The following SNX24 variants were observed in gnomAD, a reference collection of about 807,000 sequenced individuals.
SNX24 encodes the protein sorting nexin 24.
SNX24 carries 22 observed loss-of-function variants against 28.7 expected under a neutral mutation model. The observed-to-expected ratio is 0.77, with a 90% CI of 0.55 to 1.10. SNX24 has a LOEUF of 1.10. SNX24 is among the 50% of genes least tolerant of loss of function. SNX24 has a pLI of 0.00. For missense variants in SNX24, 221 were observed against 201.1 expected, an observed-to-expected ratio of 1.10 and a Z score of -0.60; for synonymous variants, 69 against 71.5, an observed-to-expected ratio of 0.96 and a Z score of 0.18.
At chr5:122,920,773 G>T (rs1039546785) in intron 1 of SNX24, among the ~76,000 whole-genome samples, 1 of 152,164 alleles carries the variant, frequency 6.6e-6, no homozygotes, top group Non-Finnish European at 1.5e-5. Flanking sequence ...TCTCATTATA[G>T]AATGTTTTCA....
At chr5:122,914,246 CCA>C (rs1758060370) in intron 1 of SNX24, among the ~76,000 whole-genome samples, 1 of 152,132 alleles carries the variant, frequency 6.6e-6, no homozygotes, top group Non-Finnish European at 1.5e-5. Context: ...GGGATGAAGC[CCA>C]CTTGATCATG....
intron 1 of SNX24, among the ~76,000 whole-genome samples, chr5:122,876,766 A>G (rs1756241601): frequency 1.3e-5 from 2 of 152,234 alleles, no homozygotes; most frequent in Admixed American, 6.5e-5. Context: ...AGTGGAGTGC[A>G]GTACCCGGAA....
At chr5:122,866,208 G>A (rs1265183748) in intron 1 of SNX24, among the ~76,000 whole-genome samples, 1 of 152,188 alleles carries the variant, frequency 6.6e-6, no homozygotes, top group Non-Finnish European at 1.5e-5. Flanking sequence ...GGGGTGCAGT[G>A]GCGAGATCTC....
chr5:122,981,787 C>G (rs914725430), intron 3 of SNX24, among the ~76,000 whole-genome samples: 1 of 152,214 alleles, frequency 6.6e-6, no homozygotes, highest in Non-Finnish European at 1.5e-5. Flanking sequence ...AAGTGATTCT[C>G]CCGCCTCAGC....
chr5:122,900,351 T>C (rs534213125), intron 1 of SNX24, among the ~76,000 whole-genome samples: 3 of 152,190 alleles, frequency 2.0e-5, no homozygotes, highest in African/African-American at 7.2e-5. Context: ...ATTTTTAAAA[T>C]GTGAACTATT....
At chr5:122,974,977 C>T (rs1382827125) in intron 3 of SNX24, among the ~76,000 whole-genome samples, 2 of 152,214 alleles carry the variant, frequency 1.3e-5, no homozygotes, top group African/African-American at 2.4e-5. Flanking sequence ...AATCAGTGGA[C>T]CTAAAACTCC....
chr5:122,981,155 T>G (rs76293944), intron 3 of SNX24, among the ~76,000 whole-genome samples: 1,610 of 152,304 alleles, frequency 0.011, 28 homozygotes, highest in African/African-American at 0.037. Context: ...TGTGCCAATT[T>G]AGTATGTTTT....
At chr5:122,942,967 A>G (rs1047584579) in intron 2 of SNX24, among the ~76,000 whole-genome samples, 10 of 152,180 alleles carry the variant, frequency 6.6e-5, no homozygotes, top group Non-Finnish European at 1.5e-4. Context: ...AAAAGGAGAG[A>G]CATATAATAG....
At chr5:122,904,869 G>A (rs1054347678) in intron 1 of SNX24, among the ~76,000 whole-genome samples, 5 of 152,162 alleles carry the variant, frequency 3.3e-5, no homozygotes, top group African/African-American at 1.2e-4. Flanking sequence ...TTAGACCCAT[G>A]TGAAAGGAAG....
intron 1 of SNX24, 120 bp from the exon 2 acceptor site, chr5:122,936,614 G>A (rs2150116791): frequency 1.8e-6 from 1 of 556,304 alleles, no homozygotes; most frequent in South Asian, 3.2e-5. Context: ...AGCCTTCTGG[G>A]TTTTGGGGGA....
At chr5:122,851,376 G>T (rs1460847744) in intron 1 of SNX24, among the ~76,000 whole-genome samples, 1 of 152,028 alleles carries the variant, frequency 6.6e-6, no homozygotes, top group Non-Finnish European at 1.5e-5. Flanking sequence ...ATGTTGGCCA[G>T]GCTGGTCTTT....
chr5:122,942,509 G>C (rs531855116), intron 2 of SNX24, among the ~76,000 whole-genome samples: 2 of 152,280 alleles, frequency 1.3e-5, no homozygotes, highest in Admixed American at 6.5e-5. Flanking sequence ...ATGTACTTGG[G>C]AAAAGTATTT....
At chr5:122,861,939 A>G (rs1013879532) in intron 1 of SNX24, among the ~76,000 whole-genome samples, 3 of 152,182 alleles carry the variant, frequency 2.0e-5, no homozygotes, top group Non-Finnish European at 2.9e-5. Flanking sequence ...TTGAGGTTAC[A>G]TAGACAGGTA....
chr5:122,913,539 C>G (rs1381190447), intron 1 of SNX24, among the ~76,000 whole-genome samples: 1 of 152,140 alleles, frequency 6.6e-6, no homozygotes, highest in Non-Finnish European at 1.5e-5. Context: ...CTCCTCACTT[C>G]TCAGACAGGG....
At chr5:123,014,957 C>T (rs1762655634) in intron 5 of SNX24, among the ~76,000 whole-genome samples, 1 of 152,194 alleles carries the variant, frequency 6.6e-6, no homozygotes, top group African/African-American at 2.4e-5. Context: ...GCTTAAATGT[C>T]ATCTTTTCAA....
At chr5:122,948,949 TCCC>T (rs1759812850) in intron 3 of SNX24, among the ~76,000 whole-genome samples, 1 of 152,144 alleles carries the variant, frequency 6.6e-6, no homozygotes, top group African/African-American at 2.4e-5. Flanking sequence ...TTGACTATCA[TCCC>T]CCAACTCCCT....
intron 5 of SNX24, among the ~76,000 whole-genome samples, chr5:123,027,053 G>A (rs950343651): frequency 1.3e-5 from 2 of 152,122 alleles, no homozygotes; most frequent in Admixed American, 1.3e-4. Context: ...AATCAGCCGG[G>A]CATGGTGGCG....
intron 1 of SNX24, among the ~76,000 whole-genome samples, chr5:122,893,753 GT>G (rs1757082132): frequency 6.6e-6 from 1 of 152,094 alleles, no homozygotes. Flanking sequence ...GCATTCAAAA[GT>G]TACTTGAAGC....
rs139178813 is a variant in SNX24, at chr5:122,915,304, C to T, written c.61-21430C>T. Among the ~76,000 whole-genome samples, 148 of 152,272 alleles carry T rather than the reference C, an allele frequency of 9.7e-4. 1 individual carries two copies. The highest frequency in any genetic ancestry group is 3.4e-3 in the African/African-American group (143 of 41,550). ...CCATCTTCCCTATTCACCCTGAGCT[C>T]TCTAGAATCCATCATTTTGCAATCA... is the stretch of plus-strand genomic sequence containing the variant. On this transcript the variant is annotated intron_variant, in intron 1 of 6. Transcript: ENST00000261369.
Sources: allele counts gnomAD v4.1 joint callset (sites outside exome capture counted in the v4.1 genomes callset), GRCh38; gene constraint gnomAD v4.1.1; transcripts MANE v1.5; gene names NCBI Gene and HGNC (gene_info 2026-07-23, HGNC 2026-07-21).